GPC6: variants seen among roughly 807,000 people sequenced by gnomAD.
GPC6 encodes the protein glypican 6.
GPC6 carries 14 observed loss-of-function variants against 55.2 expected under a neutral mutation model. The observed-to-expected ratio is 0.25, with a 90% CI of 0.17 to 0.40. The LOEUF is 0.40. Among genes scored for constraint, GPC6 ranks in the 10% least tolerant of loss-of-function variants. The probability of loss-of-function intolerance (pLI) is 1.00; values close to 1 mark genes in which losing one functional copy is unlikely to be tolerated. For synonymous variants in GPC6, 278 were observed against 259.6 expected (o/e 1.07, Z -0.68); for missense variants, 641 against 708.5 (o/e 0.90, Z 1.08).
At chr13:93,838,255 A>C (rs1474020739) in intron 3 of GPC6, among the ~76,000 whole-genome samples, 2 of 152,200 alleles carry the variant, frequency 1.3e-5, no homozygotes, top group African/African-American at 4.8e-5. Flanking sequence ...GTAATTAATC[A>C]GGGTGACAGA....
intron 1 of GPC6, among the ~76,000 whole-genome samples, chr13:93,402,288 A>G (rs1876120185): frequency 6.6e-6 from 1 of 152,172 alleles, no homozygotes; most frequent in Non-Finnish European, 1.5e-5. Flanking sequence ...TAATTCTCCA[A>G]GTGCCGAGCC....
At chr13:93,805,454 T>A (rs1458127274) in intron 2 of GPC6, among the ~76,000 whole-genome samples, 5 of 152,144 alleles carry the variant, frequency 3.3e-5, no homozygotes, top group African/African-American at 1.2e-4. Context: ...TTTGGGGGAA[T>A]CATATACATT....
chr13:94,232,774 G>A (rs749061497), intron 4 of GPC6, among the ~76,000 whole-genome samples: 24 of 152,008 alleles, frequency 1.6e-4, no homozygotes, highest in Admixed American at 3.3e-4. Flanking sequence ...AAGAACATCC[G>A]TGAGTTTTTA....
intron 2 of GPC6, among the ~76,000 whole-genome samples, chr13:93,681,913 C>A (rs1881859713): frequency 6.6e-6 from 1 of 152,080 alleles, no homozygotes; most frequent in Non-Finnish European, 1.5e-5. Flanking sequence ...CTGCAAGATG[C>A]ATTTTTGTAT....
At chr13:93,659,898 A>C (rs1297900244) in intron 2 of GPC6, among the ~76,000 whole-genome samples, 6 of 152,050 alleles carry the variant, frequency 3.9e-5, no homozygotes, top group Non-Finnish European at 8.8e-5. Flanking sequence ...AAAAGGAAAT[A>C]TATATATGTG....
intron 2 of GPC6, among the ~76,000 whole-genome samples, chr13:93,727,561 G>T (rs1883687181): frequency 6.6e-6 from 1 of 152,078 alleles, no homozygotes; most frequent in African/African-American, 2.4e-5. Context: ...AATGTTTTGG[G>T]CTTGTGGGCC....
intron 2 of GPC6, among the ~76,000 whole-genome samples, chr13:93,551,713 A>G (rs1000733514): frequency 6.6e-6 from 1 of 152,204 alleles, no homozygotes; most frequent in Non-Finnish European, 1.5e-5. Context: ...TTATTTCTGT[A>G]TCATAATCTA....
At chr13:94,228,024 A>G (rs1287407540) in intron 4 of GPC6, among the ~76,000 whole-genome samples, 1 of 152,214 alleles carries the variant, frequency 6.6e-6, no homozygotes. Flanking sequence ...CAGGTAGCAC[A>G]TAGCAGATAT....
At chr13:94,076,171 A>G (rs1884909692) in intron 4 of GPC6, among the ~76,000 whole-genome samples, 1 of 151,538 alleles carries the variant, frequency 6.6e-6, no homozygotes, top group Admixed American at 6.6e-5. Flanking sequence ...AGCAGGTGTG[A>G]GGTGATAATT....
In GPC6 at chr13:94,225,839, A is replaced by C. The variant is rs189340630; in HGVS notation, c.878-60510A>C. 2.6e-4 allele frequency among the ~76,000 whole-genome samples: 40 copies of C among 152,238 alleles called. No homozygotes were observed. In the East Asian group the frequency reaches 5.2e-3, roughly 20 times the overall value. On this transcript the variant is annotated intron_variant, in intron 4 of 8. Transcript: ENST00000377047. The stretch of plus-strand genomic sequence containing the variant: ...CAGTATTCACTAATCTGGTGTTTGC[A>C]GTGACCTTACAGAACATATTACCAT...
intron 1 of GPC6, among the ~76,000 whole-genome samples, chr13:93,439,875 G>A (rs912574707): frequency 8.6e-5 from 13 of 151,972 alleles, no homozygotes; most frequent in African/African-American, 2.2e-4. Context: ...GTCCCTAAAA[G>A]CATTGTTTAA....
chr13:94,304,599 G>A (rs1358743691), intron 5 of GPC6, among the ~76,000 whole-genome samples: 3 of 152,164 alleles, frequency 2.0e-5, no homozygotes, highest in East Asian at 1.9e-4. Context: ...ATAGAATAAA[G>A]TTAAACTTCA....
Position 94,403,429 on chromosome 13 carries a change from G to A in GPC6, c.*212G>A, listed in dbSNP as rs950665542. On this transcript the variant is annotated 3_prime_UTR_variant, in exon 9 of 9. Transcript: ENST00000377047. ...TTCCTCTTTCCTTCAGCTATCTGTG[G>A]GGACCTTGTTTATTCTAGAGAGAAT... is the stretch of plus-strand genomic sequence containing the variant. The A allele has an allele frequency of 1.2e-5, 7 of 603,062 alleles. No individual in the cohort carries two copies. Among genetic ancestry groups the A allele is most frequent in the Non-Finnish European group, 1.8e-5 (6 of 335,058 alleles). 37.4% of individuals were successfully genotyped at this position (603,062 alleles called of 1,614,324 possible). A position where few individuals can be genotyped will look rare whatever the true frequency, so the allele number is the denominator to read the frequency against.
chr13:94,057,026 T>C (rs1884155596), intron 4 of GPC6, among the ~76,000 whole-genome samples: 1 of 152,232 alleles, frequency 6.6e-6, no homozygotes. Context: ...GCATGGTTTA[T>C]TGAAACAAAG....
At chr13:94,102,929 C>T (rs1566408418) in intron 4 of GPC6, among the ~76,000 whole-genome samples, 1 of 152,118 alleles carries the variant, frequency 6.6e-6, no homozygotes, top group Non-Finnish European at 1.5e-5. Flanking sequence ...GGTACATGTG[C>T]ACAACGTGCA....
chr13:93,870,667 A>T (rs1345040346), intron 3 of GPC6, among the ~76,000 whole-genome samples: 1 of 151,814 alleles, frequency 6.6e-6, no homozygotes, highest in Non-Finnish European at 1.5e-5. Flanking sequence ...GTCCAAATCC[A>T]ATATGATTGG....
intron 2 of GPC6, among the ~76,000 whole-genome samples, chr13:93,569,234 AC>A (rs1253251748): frequency 6.6e-6 from 1 of 152,146 alleles, no homozygotes; most frequent in Non-Finnish European, 1.5e-5. Context: ...TCATTAATGG[AC>A]TAGAACACTA....
intron 4 of GPC6, among the ~76,000 whole-genome samples, chr13:94,240,134 A>AAAAAAGT (rs1322035377): frequency 6.6e-6 from 1 of 152,066 alleles, no homozygotes; most frequent in African/African-American, 2.4e-5. Flanking sequence ...ATGAATTACA[A>AAAAAAGT]AAAAAGTTCC....
chr13:94,244,185 C>T (rs1043255020), intron 4 of GPC6, among the ~76,000 whole-genome samples: 6 of 152,052 alleles, frequency 3.9e-5, no homozygotes, highest in Non-Finnish European at 5.9e-5. Flanking sequence ...AGGAAGAATA[C>T]AAATGATTTA....
Sources: allele counts gnomAD v4.1 joint callset (sites outside exome capture counted in the v4.1 genomes callset), GRCh38; gene constraint gnomAD v4.1.1; transcripts MANE v1.5; gene names NCBI Gene and HGNC (gene_info 2026-07-23, HGNC 2026-07-21).